Variants in LMO7 observed in about 807,000 individuals in gnomAD.
LMO7 encodes LIM domain 7, also known as LIM domain only protein 7.
Under a neutral mutation model 206.5 loss-of-function variants are expected in LMO7, and 120 were observed. The ratio of observed to expected loss-of-function variants is 0.58; its 90% CI spans 0.50 to 0.68. The LOEUF is 0.68. Among genes scored for constraint, LMO7 ranks in the 30% least tolerant of loss-of-function variants. The pLI is 0.00. For missense variants in LMO7, 1,959 were observed against 1,957.9 expected, an observed-to-expected ratio of 1.00 and a Z score of -0.01; for synonymous variants, 706 against 681.5, an observed-to-expected ratio of 1.04 and a Z score of -0.56.
At chr13:75,706,294 A>G (rs2042644927) in intron 1 of LMO7, among the ~76,000 whole-genome samples, 1 of 152,210 alleles carries the variant, frequency 6.6e-6, no homozygotes, top group Non-Finnish European at 1.5e-5. Flanking sequence ...CAGCCTCTGT[A>G]GACCTAATAG....
In LMO7 at chr13:75,799,207, C is replaced by T. The variant is rs183860044; in HGVS notation, c.463-1477C>T. 2.1e-4 allele frequency among the ~76,000 whole-genome samples: 32 copies of T among 152,262 alleles called. No individual in the cohort carries two copies. In the East Asian group the frequency reaches 3.5e-3, roughly 17 times the overall value. The stretch of plus-strand genomic sequence containing the variant: ...GTCAAACAATTGAATCATGAATTGA[C>T]GGTATTAGATCAAAAGTATGCCTGA... On this transcript the variant is annotated intron_variant, in intron 6 of 30. Coordinates refer to ENST00000377534, the MANE Select transcript of LMO7 (RefSeq NM_001306080.2).
chr13:75,656,344 A>G (rs1009007173), intron 1 of LMO7, among the ~76,000 whole-genome samples: 3 of 152,194 alleles, frequency 2.0e-5, no homozygotes, highest in Admixed American at 6.5e-5. Context: ...GCTACCACTT[A>G]TTATTATGCT....
chr13:75,657,398 G>A (rs2038158304), intron 1 of LMO7, among the ~76,000 whole-genome samples: 1 of 152,166 alleles, frequency 6.6e-6, no homozygotes, highest in East Asian at 1.9e-4. Context: ...TGGGTGCAAA[G>A]TATCTCATGC....
intron 15 of LMO7, among the ~76,000 whole-genome samples, chr13:75,827,370 G>A (rs2058219000): frequency 6.6e-6 from 1 of 152,170 alleles, no homozygotes; most frequent in East Asian, 1.9e-4. Context: ...CTGGTTAGGA[G>A]CCTATCACAG....
chr13:75,746,017 G>A (rs1466974233), intron 3 of LMO7, among the ~76,000 whole-genome samples: 1 of 152,114 alleles, frequency 6.6e-6, no homozygotes. Flanking sequence ...CCAGACAAAA[G>A]CAGTAGTCCA....
chr13:75,732,160 G>T (rs2045310140), intron 3 of LMO7, among the ~76,000 whole-genome samples: 1 of 152,064 alleles, frequency 6.6e-6, no homozygotes. Flanking sequence ...TCCTGAATCT[G>T]AATGTTGGCC....
chr13:75,751,408 G>A (rs912338709), intron 3 of LMO7, among the ~76,000 whole-genome samples: 3 of 151,718 alleles, frequency 2.0e-5, no homozygotes, highest in African/African-American at 7.3e-5. Flanking sequence ...GATCTGTCCC[G>A]CTCAGCCTCC....
intron 28 of LMO7, 149 bp from the exon 29 acceptor site, chr13:75,855,111 A>G (rs756082772): frequency 6.3e-5 from 33 of 520,408 alleles, no homozygotes; most frequent in Non-Finnish European, 9.3e-5. Flanking sequence ...GGCACTCTTT[A>G]GTTGGCTGGT....
intron 1 of LMO7, among the ~76,000 whole-genome samples, chr13:75,638,279 G>C (rs966143173): frequency 2.0e-5 from 3 of 151,744 alleles, no homozygotes; most frequent in African/African-American, 4.8e-5. Context: ...TTTTTTTTTA[G>C]TATGCACATT....
At chr13:75,660,616 T>C (rs1004070350) in intron 1 of LMO7, among the ~76,000 whole-genome samples, 1 of 152,170 alleles carries the variant, frequency 6.6e-6, no homozygotes, top group Non-Finnish European at 1.5e-5. Context: ...CTTGCTTTTC[T>C]CTCTTCACGG....
At chr13:75,781,920 A>G (rs1371685010) in intron 4 of LMO7, among the ~76,000 whole-genome samples, 15 of 152,080 alleles carry the variant, frequency 9.9e-5, no homozygotes, top group Non-Finnish European at 1.8e-4. Flanking sequence ...CTGCATAAAT[A>G]TCTTCTTTTG....
chr13:75,731,188 G>A (rs1377437361), intron 3 of LMO7, among the ~76,000 whole-genome samples: 4 of 152,056 alleles, frequency 2.6e-5, no homozygotes, highest in Non-Finnish European at 5.9e-5. Flanking sequence ...TATCCTTGTT[G>A]ACTTTCTGTC....
At chr13:75,679,505 A>G (rs1298931165) in intron 1 of LMO7, among the ~76,000 whole-genome samples, 1 of 152,216 alleles carries the variant, frequency 6.6e-6, no homozygotes, top group Non-Finnish European at 1.5e-5. Context: ...CATCAGAATC[A>G]TCTAAAATGC....
At chr13:75,622,796 C>A (rs1000009905) in intron 1 of LMO7, among the ~76,000 whole-genome samples, 1 of 152,166 alleles carries the variant, frequency 6.6e-6, no homozygotes, top group Non-Finnish European at 1.5e-5. Context: ...AGGATACCAA[C>A]TGAAAGCAGA....
chr13:75,629,773 C>T (rs955254326), intron 2 of LMO7, among the ~76,000 whole-genome samples: 3 of 152,030 alleles, frequency 2.0e-5, no homozygotes, highest in Non-Finnish European at 4.4e-5. Context: ...TAGCTGAGCG[C>T]TAATGAGAGA....
At chr13:75,845,971 T>A (rs530528998) in intron 26 of LMO7, among the ~76,000 whole-genome samples, 2 of 152,292 alleles carry the variant, frequency 1.3e-5, no homozygotes, top group African/African-American at 4.8e-5. Flanking sequence ...TTTACATGAA[T>A]GAATGAAGGT....
intron 3 of LMO7, among the ~76,000 whole-genome samples, chr13:75,757,312 C>A (rs1293205481): frequency 6.6e-6 from 1 of 152,112 alleles, no homozygotes; most frequent in Non-Finnish European, 1.5e-5. Flanking sequence ...TGAAGGGTCC[C>A]CCAATTCAGA....
At chr13:75,813,473 C>T (rs141248840) in intron 11 of LMO7, among the ~76,000 whole-genome samples, 50 of 152,322 alleles carry the variant, frequency 3.3e-4, no homozygotes, top group African/African-American at 1.1e-3. Context: ...AAAACTGGCA[C>T]CATGGCTGGG....
At chr13:75,689,013 A>T (rs2041243650) in intron 1 of LMO7, 1 of 152,184 alleles carries the variant, frequency 6.6e-6, no homozygotes, top group Non-Finnish European at 1.5e-5. Context: ...ATATTTAAGG[A>T]AATTTCAGAA....
Sources: gnomAD v4.1 joint callset for allele counts (sites outside exome capture counted in the v4.1 genomes callset) on GRCh38, gnomAD v4.1.1 for gene constraint, MANE v1.5 for transcripts, NCBI Gene and HGNC (gene_info 2026-07-23, HGNC 2026-07-21) for gene names.